CDKAL1: variants seen among roughly 807,000 people sequenced by gnomAD.
The protein encoded by CDKAL1 is CDKAL1 threonylcarbamoyladenosine tRNA methylthiotransferase.
A neutral mutation model predicts 68.2 loss-of-function variants in CDKAL1; 32 were observed. The observed-to-expected ratio is 0.47, with a 90% CI of 0.35 to 0.63. The LOEUF (loss-of-function observed/expected upper bound fraction) is 0.63, where lower values mean the gene tolerates loss of function less well. Among genes scored for constraint, CDKAL1 ranks in the 30% least tolerant of loss-of-function variants. The pLI, the probability that CDKAL1 is intolerant of heterozygous loss-of-function variation, is 0.00. For missense variants in CDKAL1, 606 were observed against 696.7 expected, an observed-to-expected ratio of 0.87 and a Z score of 1.47; for synonymous variants, 234 against 244.3, an observed-to-expected ratio of 0.96 and a Z score of 0.39.
At chr6:21,123,442 C>T (rs1774829164) in intron 13 of CDKAL1, among the ~76,000 whole-genome samples, 1 of 151,980 alleles carries the variant, frequency 6.6e-6, no homozygotes, top group African/African-American at 2.4e-5. Context: ...GGCAACAGAG[C>T]GAAACTCCAT....
At chr6:20,745,009 A>C (rs1773604480) in intron 6 of CDKAL1, among the ~76,000 whole-genome samples, 1 of 152,258 alleles carries the variant, frequency 6.6e-6, no homozygotes, top group Admixed American at 6.5e-5. Context: ...TTGATATTGA[A>C]AATTTGTAAA....
chr6:20,553,029 G>A, intron 4 of CDKAL1, among the ~76,000 whole-genome samples: 1 of 152,146 alleles, frequency 6.6e-6, no homozygotes, highest in Non-Finnish European at 1.5e-5. Context: ...CATAAAATAG[G>A]TATAAAATAT....
chr6:21,142,203 C>T (rs552328732), intron 13 of CDKAL1, among the ~76,000 whole-genome samples: 13 of 151,946 alleles, frequency 8.6e-5, no homozygotes, highest in African/African-American at 3.1e-4. Flanking sequence ...TTTCTCCCCT[C>T]TTGGCAAGAG....
intron 12 of CDKAL1, among the ~76,000 whole-genome samples, chr6:21,092,647 C>T (rs1773100734): frequency 6.8e-6 from 1 of 147,636 alleles, no homozygotes; most frequent in Admixed American, 6.8e-5. Context: ...ACACAAAGGA[C>T]AGGACCAAAG....
At chr6:21,065,781 T>G (rs1383734051) in intron 12 of CDKAL1, among the ~76,000 whole-genome samples, 1 of 151,648 alleles carries the variant, frequency 6.6e-6, no homozygotes, top group Non-Finnish European at 1.5e-5. Flanking sequence ...TGTGAATAAG[T>G]TTGGAATCAA....
intron 13 of CDKAL1, among the ~76,000 whole-genome samples, chr6:21,120,645 A>G (rs1774664146): frequency 6.6e-6 from 1 of 152,210 alleles, no homozygotes; most frequent in African/African-American, 2.4e-5. Context: ...CTTCATGTAA[A>G]TGTCAGTATG....
intron 7 of CDKAL1, among the ~76,000 whole-genome samples, chr6:20,774,672 T>A (rs1457137518): frequency 6.6e-6 from 1 of 152,224 alleles, no homozygotes; most frequent in Non-Finnish European, 1.5e-5. Flanking sequence ...GTTTCTCTTC[T>A]CATAAGCATT....
chr6:20,653,430 C>T (rs944825913), intron 5 of CDKAL1, among the ~76,000 whole-genome samples: 2 of 152,056 alleles, frequency 1.3e-5, no homozygotes, highest in African/African-American at 2.4e-5. Context: ...GATGGTATTT[C>T]GTTTTGGTTT....
At chr6:20,578,257 C>G (rs2127686222) in intron 4 of CDKAL1, among the ~76,000 whole-genome samples, 1 of 152,160 alleles carries the variant, frequency 6.6e-6, no homozygotes, top group African/African-American at 2.4e-5. Flanking sequence ...CCCATTTATG[C>G]ACCTATGTAA....
intron 13 of CDKAL1, among the ~76,000 whole-genome samples, chr6:21,192,212 G>A (rs1156569468): frequency 3.7e-4 from 55 of 147,824 alleles, no homozygotes; most frequent in Non-Finnish European, 7.2e-4. Context: ...TAGTAGAGAC[G>A]GGGTTTCACC....
At chr6:20,639,746 C>G (rs1768078281) in intron 4 of CDKAL1, among the ~76,000 whole-genome samples, 2 of 152,376 alleles carry the variant, frequency 1.3e-5, no homozygotes, top group South Asian at 2.1e-4. Context: ...TCTCGGCTCA[C>G]TGCAACCTCC....
chr6:21,182,480 TA>T lies in CDKAL1; in HGVS notation c.1300-15539del, dbSNP rs139073065. On this transcript the variant is annotated intron_variant, in intron 13 of 15. Transcript: ENST00000274695. ...CTTCTAGGTTATTTCCCTTAAAATTTAAGGTAACTAGTTTGCTGAAATTAAA... is the reference window on the plus strand; with the variant it reads ...CTTCTAGGTTATTTCCCTTAAAATTTAGGTAACTAGTTTGCTGAAATTAAA... 2.4e-3 allele frequency among the ~76,000 whole-genome samples: 367 copies of T among 152,294 alleles called. 6 individuals are homozygous for T. The East Asian group carries it at 0.03, about 12-fold the overall frequency.
chr6:20,609,270 CCTTCTCCTCCTT>C (rs1424555882), intron 4 of CDKAL1, among the ~76,000 whole-genome samples: 1 of 145,800 alleles, frequency 6.9e-6, no homozygotes, highest in Middle Eastern at 3.2e-3. Flanking sequence ...CCTTCCTCCT[CCTTCTCCTCCTT>C]CTCCTTCTTC....
intron 12 of CDKAL1, among the ~76,000 whole-genome samples, chr6:21,106,784 G>A (rs1032673564): frequency 2.6e-5 from 4 of 152,150 alleles, no homozygotes; most frequent in African/African-American, 9.7e-5. Flanking sequence ...TATCTACGGG[G>A]AGTACTAAGG....
intron 11 of CDKAL1, among the ~76,000 whole-genome samples, chr6:21,033,810 A>G (rs1769427838): frequency 6.6e-6 from 1 of 152,210 alleles, no homozygotes; most frequent in Non-Finnish European, 1.5e-5. Context: ...ATGAACAGTT[A>G]AGAAAAGGAT....
chr6:20,747,320 A>G (rs763268390), intron 6 of CDKAL1, among the ~76,000 whole-genome samples: 1 of 152,188 alleles, frequency 6.6e-6, no homozygotes, highest in East Asian at 1.9e-4. Context: ...AGATATCTCT[A>G]CAGAGTGCTG....
At chr6:20,998,509 G>A (rs1424229661) in intron 10 of CDKAL1, among the ~76,000 whole-genome samples, 3 of 152,070 alleles carry the variant, frequency 2.0e-5, no homozygotes, top group African/African-American at 2.4e-5. Flanking sequence ...CTACTTGGAC[G>A]CTTAGGCAGG....
intron 5 of CDKAL1, among the ~76,000 whole-genome samples, chr6:20,675,069 GT>G (rs375924682): frequency 1.1e-4 from 17 of 148,914 alleles, no homozygotes; most frequent in South Asian, 2.1e-4. Context: ...ATTTCATATG[GT>G]TTTTTTTTTA....
intron 11 of CDKAL1, among the ~76,000 whole-genome samples, chr6:21,022,651 T>A (rs1344542643): frequency 6.6e-6 from 1 of 152,198 alleles, no homozygotes; most frequent in Admixed American, 6.5e-5. Flanking sequence ...TCTCCCTCCC[T>A]GAGCTCACTG....
Sources: gnomAD v4.1 joint callset for allele counts (sites outside exome capture counted in the v4.1 genomes callset) on GRCh38, gnomAD v4.1.1 for gene constraint, MANE v1.5 for transcripts, NCBI Gene and HGNC (gene_info 2026-07-23, HGNC 2026-07-21) for gene names.